The following IFT81 variants were observed in gnomAD, a reference collection of about 807,000 sequenced individuals.
IFT81 encodes the protein intraflagellar transport 81, also known as intraflagellar transport protein 81 homolog.
In IFT81, 72 loss-of-function variants were observed where a neutral mutation model predicts 102.6. The observed-to-expected ratio is 0.70, with a 90% CI of 0.58 to 0.85. The LOEUF is 0.85. IFT81 is among the 40% of genes least tolerant of loss of function. The pLI is 0.00. For synonymous variants in IFT81, 237 were observed against 242.7 expected (o/e 0.98, Z 0.22); for missense variants, 723 against 787.3 (o/e 0.92, Z 0.98).
At position 110,132,615 on chromosome 12, in the gene IFT81, T is replaced by C; in HGVS notation, c.498T>C (p.Phe166=). ...KEYEQLKISG[F]STAEIRKDIS... The stretch of plus-strand genomic sequence containing the variant: ...ATGAGCAGCTCAAGATATCTGGATT[T>C]TCTACAGCAGAAATAAGAAAGGTAA... The change falls in exon 5 of 19, where the codon TTT becomes TTC. Residue 166 remains phenylalanine, a synonymous_variant. Transcript: ENST00000242591. 1 of 1,575,404 alleles carries C rather than the reference T, an allele frequency of 6.3e-7. No individual in the cohort carries two copies. Among genetic ancestry groups the C allele is most frequent in the Non-Finnish European group, 8.7e-7 (1 of 1,150,700 alleles).
intron 12 of IFT81, among the ~76,000 whole-genome samples, chr12:110,186,200 T>C (rs1463638228): frequency 1.3e-5 from 2 of 152,232 alleles, no homozygotes; most frequent in African/African-American, 4.8e-5. Context: ...CATTGTCTTC[T>C]GACTTCCATT....
At chr12:110,171,900 A>G (rs1396842075) in intron 11 of IFT81, 2 of 152,184 alleles carry the variant, frequency 1.3e-5, no homozygotes, top group East Asian at 1.9e-4. Flanking sequence ...AGTTGGTTCT[A>G]TCTCATCTCG....
At chr12:110,199,758 C>T (rs1898179380) in intron 14 of IFT81, among the ~76,000 whole-genome samples, 1 of 152,160 alleles carries the variant, frequency 6.6e-6, no homozygotes, top group African/African-American at 2.4e-5. Flanking sequence ...AGCCCAGATG[C>T]AGTCCCACAC....
At chr12:110,137,220 A>T (rs374767005) in intron 8 of IFT81, among the ~76,000 whole-genome samples, 1 of 152,138 alleles carries the variant, frequency 6.6e-6, no homozygotes, top group South Asian at 2.1e-4. Flanking sequence ...GGTGCCTGTA[A>T]TCCCAGCTAC....
At chr12:110,179,213 T>G (rs914543997) in intron 11 of IFT81, among the ~76,000 whole-genome samples, 1 of 152,148 alleles carries the variant, frequency 6.6e-6, no homozygotes, top group Non-Finnish European at 1.5e-5. Flanking sequence ...TGTTGATGGT[T>G]CCGGTTGGCT....
intron 12 of IFT81, among the ~76,000 whole-genome samples, chr12:110,184,304 C>T (rs1253124693): frequency 6.6e-6 from 1 of 152,078 alleles, no homozygotes; most frequent in South Asian, 2.1e-4. Flanking sequence ...GAGCCGAGAT[C>T]ATGCCACTGG....
At chr12:110,203,624 T>C in intron 14 of IFT81, 1 of 453,746 alleles carries the variant, frequency 2.2e-6, no homozygotes, top group South Asian at 2.4e-5. Flanking sequence ...TTATTCACTA[T>C]TGTCTCCCCA....
intron 11 of IFT81, among the ~76,000 whole-genome samples, chr12:110,165,832 T>C (rs1243950454): frequency 2.0e-5 from 3 of 152,142 alleles, no homozygotes; most frequent in South Asian, 2.1e-4. Flanking sequence ...TTATTATCTC[T>C]AGGAAAGGCA....
At chr12:110,179,534 C>A (rs1385599452) in intron 11 of IFT81, among the ~76,000 whole-genome samples, 1 of 151,100 alleles carries the variant, frequency 6.6e-6, no homozygotes, top group Non-Finnish European at 1.5e-5. Flanking sequence ...CCAGCCTGGG[C>A]AACATAGGGA....
intron 9 of IFT81, among the ~76,000 whole-genome samples, chr12:110,144,579 C>G (rs763693153): frequency 4.0e-5 from 6 of 151,512 alleles, no homozygotes; most frequent in Non-Finnish European, 8.8e-5. Context: ...GGTGAGATCT[C>G]AGCTCCCTGC....
intron 10 of IFT81, among the ~76,000 whole-genome samples, chr12:110,155,825 T>A (rs1157057362): frequency 2.6e-5 from 4 of 152,196 alleles, no homozygotes; most frequent in African/African-American, 9.7e-5. Flanking sequence ...CCTTTCTCAT[T>A]TCCTTTGTGT....
chr12:110,217,969 A>G, intron 18 of IFT81, 75 bp from the exon 19 acceptor site: 5 of 1,014,886 alleles, frequency 4.9e-6, no homozygotes, highest in Middle Eastern at 2.9e-4. Context: ...AACATACCAT[A>G]TTCCTCCGAC....
chr12:110,159,445 G>A (rs1896021538), intron 10 of IFT81, among the ~76,000 whole-genome samples: 2 of 152,190 alleles, frequency 1.3e-5, no homozygotes, highest in Admixed American at 1.3e-4. Flanking sequence ...GAGTGATGGA[G>A]CCAGATCCTG....
intron 9 of IFT81, 131 bp from the exon 10 acceptor site, chr12:110,146,822 A>G (rs1895250696): frequency 1.8e-6 from 2 of 1,117,880 alleles, no homozygotes; most frequent in East Asian, 3.2e-5. Context: ...AAATTAGTCT[A>G]GGTGAAACTG....
chr12:110,199,826 C>CTG (rs1898182520), intron 14 of IFT81, among the ~76,000 whole-genome samples: 2 of 152,152 alleles, frequency 1.3e-5, no homozygotes, highest in African/African-American at 4.8e-5. Flanking sequence ...CTAAGGAAAC[C>CTG]GTGCAGCAGG....
intron 14 of IFT81, among the ~76,000 whole-genome samples, chr12:110,196,028 C>T (rs562727258): frequency 4.0e-4 from 61 of 152,222 alleles, no homozygotes; most frequent in African/African-American, 1.5e-3. Flanking sequence ...TCAGATCAGG[C>T]TTATAAAAGC....
At chr12:110,179,771 T>TACACACACAC (rs1180642058) in intron 11 of IFT81, among the ~76,000 whole-genome samples, 11 of 52,778 alleles carry the variant, frequency 2.1e-4, no homozygotes, top group East Asian at 1.5e-3. Context: ...TATATATATA[T>TACACACACAC]ATACACACAC....
At chr12:110,196,755 T>C (rs1383377056) in intron 14 of IFT81, among the ~76,000 whole-genome samples, 1 of 152,242 alleles carries the variant, frequency 6.6e-6, no homozygotes, top group Non-Finnish European at 1.5e-5. Context: ...ACTTTATTCC[T>C]TATTATGGTA....
chr12:110,143,394 G>T lies in IFT81; in HGVS notation c.794G>T (p.Arg265Met). Residue 265 changes from arginine (R) to methionine (M), a missense_variant, in exon 9 of 19, where the codon AGG becomes ATG. By Grantham distance (91) the Arg-to-Met change is moderately conservative (BLOSUM62 -1). Transcript: ENST00000242591. ...ADAKPESLMK[R>M]LEEEIKFNLY... ...TTTATTTTTAAAGGTTTAATGAAGA[G>T]GCTAGAGGAGGAGATAAAATTTAAT... The T allele has an allele frequency of 7.3e-7, 1 of 1,366,536 alleles. No individual in the cohort carries two copies. Among genetic ancestry groups the T allele is most frequent in the South Asian group, 1.4e-5 (1 of 69,990 alleles). 84.7% of individuals were successfully genotyped at this position (1,366,536 alleles called of 1,614,324 possible). A position where few individuals can be genotyped will look rare whatever the true frequency, so the allele number is the denominator to read the frequency against.
Sources: allele counts gnomAD v4.1 joint callset (sites outside exome capture counted in the v4.1 genomes callset), GRCh38; gene constraint gnomAD v4.1.1; transcripts MANE v1.5; gene names NCBI Gene and HGNC (gene_info 2026-07-23, HGNC 2026-07-21).